Variants in BIRC6 observed in about 807,000 individuals in gnomAD.
BIRC6 encodes baculoviral IAP repeat containing 6.
A neutral mutation model predicts 503.3 loss-of-function variants in BIRC6; 98 were observed. The ratio of observed to expected loss-of-function variants is 0.19; its 90% confidence interval spans 0.17 to 0.23. The LOEUF (loss-of-function observed/expected upper bound fraction) is 0.23, where lower values mean the gene tolerates loss of function less well. Ranked by LOEUF, BIRC6 falls within the 10% of genes least tolerant of loss-of-function variation. BIRC6 has a pLI of 1.00. For synonymous variants in BIRC6, 2,240 were observed against 2,078.7 expected (o/e 1.08, Z -2.11); for missense variants, 5,360 against 5,806.0 (o/e 0.92, Z 2.50).
chr2:32,497,791 A>G lies in BIRC6; in HGVS notation c.8469-1756A>G, dbSNP rs951361499. The stretch of plus-strand genomic sequence containing the variant: ...ATTTCTTCTTTTCTACTTTCTTTGA[A>G]TTTAATTTGATCTTTATGGCTTAGA... On this transcript the variant is annotated intron_variant, in intron 45 of 73. Coordinates refer to ENST00000421745, the MANE Select transcript of BIRC6 (RefSeq NM_016252.4). Among the ~76,000 whole-genome samples, 42 of 152,080 alleles carry G rather than the reference A, an allele frequency of 2.8e-4. 1 individual carries two copies. The highest frequency in any genetic ancestry group is 2.4e-3 in the Admixed American group (37 of 15,272).
chr2:32,609,025 G>A lies in BIRC6; in HGVS notation c.14259+1382G>A, dbSNP rs984521014. ...CTCCCGAGTAGCTGGGACTGTGTGC[G>A]CATACCACCGCAACTGGCTAATTTT... On this transcript the variant is annotated intron_variant, in intron 72 of 73. Transcript: ENST00000421745. 9.2e-5 allele frequency among the ~76,000 whole-genome samples: 14 copies of A among 151,734 alleles called. 1 individual carries two copies. In the East Asian group the frequency reaches 1.8e-3, roughly 19 times the overall value.
At position 32,482,490 on chromosome 2, in the gene BIRC6, C is replaced by T. The variant is rs1432186252; in HGVS notation, c.7604C>T (p.Pro2535Leu). Reference protein sequence around the residue: ...GADYGTYNYNPYIGGLGIPVA... With the variant: ...GADYGTYNYNLYIGGLGIPVA... The stretch of plus-strand genomic sequence containing the variant: ...GATTATGGGACCTACAATTACAACC[C>T]TTACATTGGAGGTCTGGGAATTCCT... The change falls in exon 39 of 74, where the codon CCT becomes CTT. Residue 2535 changes from proline to leucine, a missense_variant. This residue lies in a region of BIRC6 where 2,299 missense variants were observed against 2,267.2 expected (regional missense o/e 1.01). Coordinates refer to ENST00000421745, the MANE Select transcript of BIRC6 (RefSeq NM_016252.4). 1 of 1,613,668 alleles carries T rather than the reference C, an allele frequency of 6.2e-7. No individual in the cohort carries two copies. Among genetic ancestry groups the T allele is most frequent in the African/African-American group, 1.3e-5 (1 of 74,904 alleles).
intron 22 of BIRC6, among the ~76,000 whole-genome samples, chr2:32,452,733 T>C (rs2148618246): frequency 6.6e-6 from 1 of 152,218 alleles, no homozygotes; most frequent in South Asian, 2.1e-4. Flanking sequence ...TTTAAATTTC[T>C]CTTAAGTAAA....
At chr2:32,611,888 C>A (rs1258429856) in intron 73 of BIRC6, among the ~76,000 whole-genome samples, 1 of 151,468 alleles carries the variant, frequency 6.6e-6, no homozygotes, top group Non-Finnish European at 1.5e-5. Flanking sequence ...TTCTTTTTTT[C>A]TTTTGAGACT....
intron 14 of BIRC6, 144 bp downstream of exon 14, chr2:32,435,729 C>G: frequency 2.2e-6 from 2 of 903,614 alleles, no homozygotes; most frequent in Non-Finnish European, 3.1e-6. Context: ...TCTGCTTTGG[C>G]AATATGCTTT....
chr2:32,381,459 C>T (rs917052875), intron 3 of BIRC6, among the ~76,000 whole-genome samples: 3 of 150,658 alleles, frequency 2.0e-5, no homozygotes, highest in African/African-American at 4.9e-5. Context: ...AGGCAGGTGG[C>T]GAACTCCCGA....
intron 10 of BIRC6, 114 bp downstream of exon 10, chr2:32,416,277 T>A: frequency 8.9e-7 from 1 of 1,124,006 alleles, no homozygotes; most frequent in Non-Finnish European, 1.2e-6. Context: ...GAATTAATTT[T>A]TTTGTAATGA....
At position 32,388,753 on chromosome 2, in the gene BIRC6, G is replaced by T. The variant is rs1363015452; in HGVS notation, c.649G>T (p.Ala217Ser). 1.3e-6 allele frequency: 2 copies of T among 1,589,562 alleles called. No individual in the cohort carries two copies. The highest frequency in any genetic ancestry group is 1.8e-5 in the Admixed American group (1 of 56,100). Residue 217 changes from alanine to serine, a missense_variant, in exon 4 of 74, where the codon GCC (alanine) becomes TCC (serine). By Grantham distance (99) the Ala-to-Ser change is moderately conservative. Coordinates refer to ENST00000421745, the MANE Select transcript of BIRC6 (RefSeq NM_016252.4). ...TAANHKVAKW[A>S]TVTFHLPHHV... ...TTATACTCCCATTTTCTTTCAGTGG[G>T]CCACAGTTACATTTCATCTTCCTCA...
chr2:32,547,684 A>G (rs1275441294), intron 63 of BIRC6, among the ~76,000 whole-genome samples, 166 bp from the exon 64 acceptor site: 1 of 152,320 alleles, frequency 6.6e-6, no homozygotes, highest in Non-Finnish European at 1.5e-5. Context: ...TTTTAATACT[A>G]GAAGTAGAAT....
At chr2:32,362,370 C>G (rs1330575497) in intron 1 of BIRC6, among the ~76,000 whole-genome samples, 2 of 148,702 alleles carry the variant, frequency 1.3e-5, no homozygotes, top group Non-Finnish European at 3.0e-5. Flanking sequence ...GGCTGGAGTG[C>G]AGTGGTGTGA....
intron 13 of BIRC6, 79 bp downstream of exon 13, chr2:32,433,883 G>C: frequency 8.1e-7 from 1 of 1,228,336 alleles, no homozygotes; most frequent in African/African-American, 1.5e-5. Flanking sequence ...CCTTGGCTAA[G>C]TTTCGTGTCC....
chr2:32,537,951 C>G (rs531056340), intron 61 of BIRC6, among the ~76,000 whole-genome samples: 2 of 149,812 alleles, frequency 1.3e-5, no homozygotes, highest in African/African-American at 4.9e-5. Flanking sequence ...TGGGCGACAG[C>G]GAGACTCCGT....
At chr2:32,477,979 A>G (rs779405400) in intron 35 of BIRC6, among the ~76,000 whole-genome samples, 1 of 152,146 alleles carries the variant, frequency 6.6e-6, no homozygotes, top group Non-Finnish European at 1.5e-5. Context: ...GGATATGTTT[A>G]TCTCCAACCT....
chr2:32,587,127 G>A (rs2061086267), intron 66 of BIRC6, among the ~76,000 whole-genome samples: 2 of 152,148 alleles, frequency 1.3e-5, no homozygotes, highest in African/African-American at 4.8e-5. Flanking sequence ...TGTGGCTTAC[G>A]CCTGTAATCC....
chr2:32,526,590 T>TA (rs2056295780), intron 59 of BIRC6: 1 of 152,584 alleles, frequency 6.6e-6, no homozygotes, highest in African/African-American at 2.4e-5. Context: ...AACAGAAAGA[T>TA]AAACCATTGA....
At chr2:32,460,535 C>T (rs1458292472) in intron 23 of BIRC6, among the ~76,000 whole-genome samples, 1 of 151,546 alleles carries the variant, frequency 6.6e-6, no homozygotes, top group African/African-American at 2.4e-5. Context: ...TCTTGGTCTC[C>T]CAAAGTGCTG....
intron 65 of BIRC6, among the ~76,000 whole-genome samples, chr2:32,550,628 A>G (rs1015904404): frequency 1.3e-5 from 2 of 152,120 alleles, no homozygotes; most frequent in Admixed American, 1.3e-4. Context: ...CTATTATTAA[A>G]CTATTATTTT....
At chr2:32,441,291 TTTA>T in intron 16 of BIRC6, 35 bp from the exon 17 acceptor site, 1 of 1,348,074 alleles carries the variant, frequency 7.4e-7, no homozygotes, top group Non-Finnish European at 1.0e-6. Context: ...TTTAGTTTAG[TTTA>T]TTTTTTAAAA....
At chr2:32,392,216 C>T in intron 5 of BIRC6, 66 bp downstream of exon 5, 1 of 1,140,986 alleles carries the variant, frequency 8.8e-7, no homozygotes, top group Non-Finnish European at 1.3e-6. Context: ...AAAATTATCA[C>T]ATTTTTTTAA....
Sources: gnomAD v4.1 joint callset for allele counts (sites outside exome capture counted in the v4.1 genomes callset) on GRCh38, gnomAD v4.1.1 for gene constraint, gnomAD v4.1.1 regional missense constraint, MANE v1.5 for transcripts, NCBI Gene and HGNC (gene_info 2026-07-23, HGNC 2026-07-21) for gene names.